DCC: variants seen among roughly 807,000 people sequenced by gnomAD.
DCC encodes netrin receptor DCC.
A neutral mutation model predicts 172.5 loss-of-function variants in DCC; 58 were observed. The ratio of observed to expected loss-of-function variants is 0.34; its 90% CI spans 0.27 to 0.42. The LOEUF is 0.42. Ranked by LOEUF, DCC falls within the 10% of genes least tolerant of loss-of-function variation. The pLI, the probability that DCC is intolerant of heterozygous loss-of-function variation, is 1.00. For synonymous variants in DCC, 709 were observed against 644.5 expected (o/e 1.10, Z -1.52); for missense variants, 1,740 against 1,791.0 (o/e 0.97, Z 0.51).
intron 2 of DCC, among the ~76,000 whole-genome samples, chr18:52,835,241 GA>G (rs1452602257): frequency 6.6e-6 from 1 of 152,152 alleles, no homozygotes; most frequent in Non-Finnish European, 1.5e-5. Flanking sequence ...ATTTCTGGGA[GA>G]AAAACAATTT....
At chr18:53,269,429 G>A (rs1382076822) in intron 12 of DCC, among the ~76,000 whole-genome samples, 1 of 152,074 alleles carries the variant, frequency 6.6e-6, no homozygotes, top group African/African-American at 2.4e-5. Context: ...CCAAGGTGGT[G>A]ACTCCAACTA....
chr18:53,211,706 A>C (rs1208515811), intron 11 of DCC, among the ~76,000 whole-genome samples: 1 of 152,136 alleles, frequency 6.6e-6, no homozygotes, highest in Non-Finnish European at 1.5e-5. Context: ...CCTGGGTGAC[A>C]GAGCGAGACT....
intron 1 of DCC, among the ~76,000 whole-genome samples, chr18:52,372,008 T>C (rs1489857305): frequency 1.3e-5 from 2 of 152,190 alleles, no homozygotes; most frequent in African/African-American, 2.4e-5. Context: ...CAGCTACTCA[T>C]TTGGTAGTTT....
At chr18:52,831,663 C>T (rs1186781524) in intron 2 of DCC, among the ~76,000 whole-genome samples, 1 of 152,066 alleles carries the variant, frequency 6.6e-6, no homozygotes, top group Non-Finnish European at 1.5e-5. Flanking sequence ...TGCTATCACC[C>T]AAGATGAGGA....
intron 1 of DCC, among the ~76,000 whole-genome samples, chr18:52,688,181 A>C (rs1327700301): frequency 6.6e-6 from 1 of 151,606 alleles, no homozygotes; most frequent in Non-Finnish European, 1.5e-5. Context: ...CCTTGAGGTC[A>C]ACATACTTCC....
intron 2 of DCC, chr18:52,816,813 G>T (rs897055812): frequency 1.3e-5 from 2 of 151,988 alleles, no homozygotes; most frequent in African/African-American, 4.8e-5. Context: ...TTATATGAGA[G>T]CCCTAAGAGA....
chr18:52,435,933 G>A (rs1374105943), intron 1 of DCC, among the ~76,000 whole-genome samples: 1 of 152,178 alleles, frequency 6.6e-6, no homozygotes, highest in Non-Finnish European at 1.5e-5. Context: ...GAACCAAACA[G>A]GCCTTCTAAA....
chr18:52,862,285 G>A (rs56383134), intron 2 of DCC, among the ~76,000 whole-genome samples: 35,008 of 151,892 alleles, frequency 0.23, 4,729 homozygotes, highest in Admixed American at 0.32. Context: ...ATGGAAGTTC[G>A]TCAAATATCA....
chr18:52,501,421 C>A (rs2144627384), intron 1 of DCC, among the ~76,000 whole-genome samples: 1 of 152,258 alleles, frequency 6.6e-6, no homozygotes, highest in African/African-American at 2.4e-5. Flanking sequence ...TCACAAGTAG[C>A]TGAATGCCTT....
chr18:52,748,836 T>C (rs1409281232), intron 1 of DCC, among the ~76,000 whole-genome samples: 1 of 152,164 alleles, frequency 6.6e-6, no homozygotes, highest in African/African-American at 2.4e-5. Flanking sequence ...GGAGTTTTTA[T>C]AGGCTCAGAA....
At chr18:52,713,973 G>C (rs936736320) in intron 1 of DCC, among the ~76,000 whole-genome samples, 2 of 152,132 alleles carry the variant, frequency 1.3e-5, no homozygotes, top group Non-Finnish European at 2.9e-5. Flanking sequence ...TTCTGTTTTA[G>C]GACTACAAAC....
chr18:52,971,096 C>T (rs904100943), intron 5 of DCC, among the ~76,000 whole-genome samples: 3 of 152,148 alleles, frequency 2.0e-5, no homozygotes, highest in African/African-American at 7.2e-5. Flanking sequence ...AACATTCTGA[C>T]TCTGAGACAG....
chr18:53,434,892 T>G (rs1911840504), intron 21 of DCC, among the ~76,000 whole-genome samples: 1 of 152,102 alleles, frequency 6.6e-6, no homozygotes, highest in Non-Finnish European at 1.5e-5. Flanking sequence ...TTGGGAGAAA[T>G]AAAAAGAATG....
intron 5 of DCC, among the ~76,000 whole-genome samples, chr18:53,003,316 C>T (rs908378228): frequency 1.3e-5 from 2 of 152,154 alleles, no homozygotes; most frequent in African/African-American, 2.4e-5. Flanking sequence ...TGCTGTTAAA[C>T]TAAGAGGTCC....
At chr18:53,502,035 G>A (rs2046107181) in intron 27 of DCC, among the ~76,000 whole-genome samples, 1 of 152,140 alleles carries the variant, frequency 6.6e-6, no homozygotes, top group Non-Finnish European at 1.5e-5. Context: ...CATGTCTGAA[G>A]AGCCAAAGAA....
chr18:53,206,491 A>G (rs150344111), intron 10 of DCC, among the ~76,000 whole-genome samples: 2,958 of 139,762 alleles, frequency 0.021, 112 homozygotes, highest in African/African-American at 0.072. Context: ...TATATAATGT[A>G]TATGTATTAC....
At chr18:53,211,083 A>C (rs2055743781) in intron 11 of DCC, among the ~76,000 whole-genome samples, 1 of 152,200 alleles carries the variant, frequency 6.6e-6, no homozygotes, top group Non-Finnish European at 1.5e-5. Context: ...TGAACCATTG[A>C]AAGTTTCCAT....
chr18:53,268,220 G>A (rs950099256), intron 12 of DCC, among the ~76,000 whole-genome samples: 4 of 151,992 alleles, frequency 2.6e-5, no homozygotes, highest in Admixed American at 2.0e-4. Flanking sequence ...CATTTCTTCT[G>A]TAACCTAAAG....
intron 1 of DCC, among the ~76,000 whole-genome samples, chr18:52,569,717 G>T (rs1385626592): frequency 6.6e-6 from 1 of 152,160 alleles, no homozygotes; most frequent in Non-Finnish European, 1.5e-5. Context: ...AGAAAAATGT[G>T]ATGACTGAGT....
Sources: gnomAD v4.1 joint callset for allele counts (sites outside exome capture counted in the v4.1 genomes callset) on GRCh38, gnomAD v4.1.1 for gene constraint, MANE v1.5 for transcripts, NCBI Gene and HGNC (gene_info 2026-07-23, HGNC 2026-07-21) for gene names.